SORCS3: variants seen among roughly 807,000 people sequenced by gnomAD.
SORCS3 encodes sortilin related VPS10 domain containing receptor 3.
Under a neutral mutation model 146.3 loss-of-function variants are expected in SORCS3, and 57 were observed. The observed-to-expected ratio is 0.39, with a 90% CI of 0.31 to 0.49. The LOEUF (loss-of-function observed/expected upper bound fraction) is 0.49, where lower values mean the gene tolerates loss of function less well. SORCS3 is among the 20% of genes least tolerant of loss of function. SORCS3 has a pLI of 0.92. For missense variants in SORCS3, 1,341 were observed against 1,575.5 expected, an observed-to-expected ratio of 0.85 and a Z score of 2.52; for synonymous variants, 653 against 618.5, an observed-to-expected ratio of 1.06 and a Z score of -0.83.
chr10:105,263,458 T>A lies in SORCS3; in HGVS notation c.*84T>A. On this transcript the variant is annotated 3_prime_UTR_variant, in exon 27 of 27. Coordinates refer to ENST00000369701, the MANE Select transcript of SORCS3 (RefSeq NM_014978.3). The stretch of plus-strand genomic sequence containing the variant: ...TACTATTATTATGGAAAAATTAAAA[T>A]GTCTTTTTTACCTTTTGTTTACCAA... 7.2e-7 allele frequency: 1 copy of A among 1,383,980 alleles called. No homozygotes were observed. The highest frequency in any genetic ancestry group is 1.4e-5 in the African/African-American group (1 of 68,982). The allele number at this position is 1,383,980 out of a possible 1,614,324, so 85.7% of individuals were successfully genotyped here.
chr10:104,879,920 A>G (rs2018614645), intron 2 of SORCS3, among the ~76,000 whole-genome samples: 1 of 152,188 alleles, frequency 6.6e-6, no homozygotes, highest in African/African-American at 2.4e-5. Flanking sequence ...AAATCCGGTG[A>G]ATTTAATCCC....
chr10:105,061,553 C>A lies in SORCS3; in HGVS notation c.1028+18425C>A, dbSNP rs143716105. Among the ~76,000 whole-genome samples, 396 of 151,742 alleles carry A rather than the reference C, an allele frequency of 2.6e-3. 4 individuals carry two copies. Among genetic ancestry groups the A allele is most frequent in the African/African-American group, 8.9e-3 (369 of 41,346 alleles). ...CTCGTGATCCACCTGCCTCGGCCCC[C>A]CAAAGTGCTTGGATTAAAGGCATGA... On this transcript the variant is annotated intron_variant, in intron 5 of 26. Coordinates refer to ENST00000369701, the MANE Select transcript of SORCS3 (RefSeq NM_014978.3).
intron 3 of SORCS3, among the ~76,000 whole-genome samples, chr10:104,930,077 A>G (rs1015744165): frequency 6.6e-6 from 1 of 152,240 alleles, no homozygotes; most frequent in African/African-American, 2.4e-5. Flanking sequence ...AATTCAATGA[A>G]ATGAAGAAAA....
Position 104,786,602 on chromosome 10 carries a change from A to G in SORCS3, c.628-56190A>G, listed in dbSNP as rs546595910. ...AGTGATGATGATGATAAAAGAAAGG[A>G]AGAAAGAAAAGAAAAAAAAAAGAAA... On this transcript the variant is annotated intron_variant, in intron 1 of 26. Transcript: ENST00000369701. Among the ~76,000 whole-genome samples, 4 of 150,758 alleles carry G rather than the reference A, an allele frequency of 2.7e-5. No individual in the cohort carries two copies. In the East Asian group the frequency reaches 7.8e-4, roughly 29 times the overall value.
intron 5 of SORCS3, among the ~76,000 whole-genome samples, chr10:105,068,780 C>A (rs2055538063): frequency 1.3e-5 from 2 of 152,150 alleles, no homozygotes; most frequent in African/African-American, 4.8e-5. Flanking sequence ...AAAATGATGT[C>A]ATTCTTACAT....
At chr10:105,022,476 T>A (rs1589598096) in intron 4 of SORCS3, among the ~76,000 whole-genome samples, 1 of 151,902 alleles carries the variant, frequency 6.6e-6, no homozygotes, top group African/African-American at 2.4e-5. Flanking sequence ...TTTTTGTATT[T>A]TTTTTTGGTA....
chr10:105,236,849 A>G (rs2056795549), intron 20 of SORCS3, among the ~76,000 whole-genome samples: 1 of 152,154 alleles, frequency 6.6e-6, no homozygotes, highest in African/African-American at 2.4e-5. Context: ...ATACTATAAT[A>G]TGTAATATAT....
At chr10:105,103,521 T>A (rs1787128258) in intron 6 of SORCS3, among the ~76,000 whole-genome samples, 1 of 152,118 alleles carries the variant, frequency 6.6e-6, no homozygotes, top group Non-Finnish European at 1.5e-5. Context: ...GTGAAATGAG[T>A]GCAGAAGGAA....
intron 1 of SORCS3, among the ~76,000 whole-genome samples, chr10:104,837,441 C>T (rs1312309200): frequency 2.0e-5 from 3 of 152,148 alleles, no homozygotes; most frequent in African/African-American, 4.8e-5. Context: ...CTGTATATAG[C>T]TTGTAAGAAG....
chr10:105,203,976 C>A (rs962942052), intron 16 of SORCS3, among the ~76,000 whole-genome samples: 6 of 152,092 alleles, frequency 3.9e-5, no homozygotes, highest in Non-Finnish European at 5.9e-5. Flanking sequence ...ATCTTGGGGT[C>A]TGATCCATTT....
At chr10:105,097,213 G>C (rs566300910) in intron 6 of SORCS3, among the ~76,000 whole-genome samples, 1 of 152,260 alleles carries the variant, frequency 6.6e-6, no homozygotes, top group East Asian at 1.9e-4. Flanking sequence ...CCTACTCCTA[G>C]TCTCCCTCTA....
chr10:105,139,246 C>T (rs927731388), intron 7 of SORCS3, 151 bp from the exon 8 acceptor site: 13 of 632,792 alleles, frequency 2.1e-5, no homozygotes, highest in Admixed American at 7.0e-5. Flanking sequence ...ACTCAGAGTG[C>T]CATGGGATTA....
chr10:104,886,025 A>C (rs1017620550), intron 2 of SORCS3, among the ~76,000 whole-genome samples: 1 of 152,186 alleles, frequency 6.6e-6, no homozygotes, highest in African/African-American at 2.4e-5. Flanking sequence ...AGCTGAAAAA[A>C]CTGAGGAACC....
chr10:104,777,525 G>GT (rs2017323615), intron 1 of SORCS3, among the ~76,000 whole-genome samples: 1 of 152,294 alleles, frequency 6.6e-6, no homozygotes, highest in Admixed American at 6.5e-5. Flanking sequence ...CATCTGGGTG[G>GT]TTTTTCACCA....
chr10:104,642,719 C>T (rs2015441124), intron 1 of SORCS3, among the ~76,000 whole-genome samples: 1 of 152,236 alleles, frequency 6.6e-6, no homozygotes. Context: ...AGAAAACTCT[C>T]GACTTCACCA....
At chr10:104,847,764 A>G (rs560221173) in intron 2 of SORCS3, among the ~76,000 whole-genome samples, 2 of 152,164 alleles carry the variant, frequency 1.3e-5, no homozygotes, top group Admixed American at 6.5e-5. Context: ...GCTTTATTGC[A>G]CCCACCCTTA....
chr10:104,853,807 A>T (rs1486286497), intron 2 of SORCS3, among the ~76,000 whole-genome samples: 1 of 152,212 alleles, frequency 6.6e-6, no homozygotes, highest in African/African-American at 2.4e-5. Flanking sequence ...TAGTGTACAG[A>T]TAAATATGTA....
Position 104,742,024 on chromosome 10 carries a change from G to A in SORCS3, c.627+100070G>A, listed in dbSNP as rs904404378. On this transcript the variant is annotated intron_variant, in intron 1 of 26. Transcript: ENST00000369701. Reference sequence around the variant, plus strand: ...GTGTTTTTTTAAAAAATTGTATCCTGGACATTTGGGTACTGTATGACTCTG... The same window carrying A: ...GTGTTTTTTTAAAAAATTGTATCCTAGACATTTGGGTACTGTATGACTCTG... Among the ~76,000 whole-genome samples, 14 of 151,710 alleles carry A rather than the reference G, an allele frequency of 9.2e-5. No homozygotes were observed. The East Asian group carries it at 1.9e-3, about 21-fold the overall frequency.
intron 2 of SORCS3, among the ~76,000 whole-genome samples, chr10:104,873,053 G>A (rs1309556347): frequency 6.6e-6 from 1 of 152,204 alleles, no homozygotes; most frequent in East Asian, 1.9e-4. Flanking sequence ...CAAGAAAAGA[G>A]CAAGGAAAGA....
Sources: gnomAD v4.1 joint callset for allele counts (sites outside exome capture counted in the v4.1 genomes callset) on GRCh38, gnomAD v4.1.1 for gene constraint, MANE v1.5 for transcripts, NCBI Gene and HGNC (gene_info 2026-07-23, HGNC 2026-07-21) for gene names.